Variants in PUM3 observed in about 807,000 individuals in gnomAD.
PUM3 encodes pumilio RNA binding family member 3.
A neutral mutation model predicts 84.0 loss-of-function variants in PUM3; 91 were observed. The ratio of observed to expected loss-of-function variants is 1.08; its 90% CI spans 0.91 to 1.29. PUM3 has a LOEUF of 1.29. Ranked by LOEUF, PUM3 falls within the 50% of genes most tolerant of loss-of-function variation. PUM3 has a pLI of 0.00. For synonymous variants in PUM3, 321 were observed against 266.7 expected, an observed-to-expected ratio of 1.20 and a Z score of -1.98; for missense variants, 1,067 against 767.5, an observed-to-expected ratio of 1.39 and a Z score of -4.61.
At chr9:2,815,491 C>T (rs944594262) in intron 13 of PUM3, among the ~76,000 whole-genome samples, 4 of 152,088 alleles carry the variant, frequency 2.6e-5, no homozygotes, top group East Asian at 3.9e-4. Context: ...ATTTAATCTC[C>T]GGGGTCTTAA....
Position 2,831,032 on chromosome 9 carries a change from A to G in PUM3, c.611-4T>C. ...TTACTTAACTCAACCAAATCATCTG[A>G]AAAACAAAAATACATTACAGTGACT... On this transcript the variant is annotated splice_polypyrimidine_tract_variant and splice_region_variant and intron_variant, in intron 6 of 17. Transcript: ENST00000397885. 1 of 1,431,944 alleles carries G rather than the reference A, an allele frequency of 7.0e-7. No homozygotes were observed. The highest frequency in any genetic ancestry group is 9.8e-7 in the Non-Finnish European group (1 of 1,023,570). The allele number at this position is 1,431,944 out of a possible 1,614,324, so 88.7% of individuals were successfully genotyped here. A position where few individuals can be genotyped will look rare whatever the true frequency, so the allele number is the denominator to read the frequency against.
At chr9:2,832,687 T>C (rs1471344812) in intron 5 of PUM3, among the ~76,000 whole-genome samples, 1 of 152,190 alleles carries the variant, frequency 6.6e-6, no homozygotes, top group Non-Finnish European at 1.5e-5. Context: ...GCTGAATTTA[T>C]AAGAAAGCGG....
At chr9:2,830,004 A>C (rs1815931950) in intron 7 of PUM3, 56 bp from the exon 8 acceptor site, 1 of 1,495,370 alleles carries the variant, frequency 6.7e-7, no homozygotes, top group Non-Finnish European at 9.2e-7. Flanking sequence ...GCTGGGTGAC[A>C]ATAAAACACA....
rs1366256389 is a variant in PUM3, at chr9:2,831,288, A to G, written c.573T>C (p.Asn191=). ...RVIQCYIQYG[N]EEQRKQAFEE... ...CAAAAGCCTGTTTTCTCTGTTCTTC[A>G]TTACCATACTGAATGTAACACTGGA... The change falls in exon 6 of 18, where the codon AAT becomes AAC. Residue 191 remains asparagine, a synonymous_variant. Coordinates refer to ENST00000397885, the MANE Select transcript of PUM3 (RefSeq NM_014878.5). 8 of 1,609,696 alleles carry G rather than the reference A, an allele frequency of 5.0e-6. No homozygotes were observed. The highest frequency in any genetic ancestry group is 6.8e-6 in the Non-Finnish European group (8 of 1,178,180).
chr9:2,807,383 C>A (rs1331494503), intron 17 of PUM3, among the ~76,000 whole-genome samples: 1 of 151,746 alleles, frequency 6.6e-6, no homozygotes, highest in South Asian at 2.1e-4. Context: ...ACTACTTGAG[C>A]CTAAGAGTCT....
At chr9:2,825,882 A>T (rs1815805796) in intron 10 of PUM3, among the ~76,000 whole-genome samples, 2 of 152,344 alleles carry the variant, frequency 1.3e-5, no homozygotes, top group Admixed American at 6.5e-5. Flanking sequence ...AATGTACATT[A>T]AATAAATACA....
At position 2,842,766 on chromosome 9, in the gene PUM3, C is replaced by CA. The variant is rs548804217; in HGVS notation, c.-11+1278dup. On this transcript the variant is annotated intron_variant, in intron 1 of 17. Coordinates refer to ENST00000397885, the MANE Select transcript of PUM3 (RefSeq NM_014878.5). ...CTGATACCTCTAATTATGTGTCTAA[C>CA]AGGAACCTTACCCTTAATATGTCCA... 2.9e-3 allele frequency among the ~76,000 whole-genome samples: 440 copies of CA among 152,284 alleles called. 4 individuals are homozygous for CA. Among genetic ancestry groups the CA allele is most frequent in the Non-Finnish European group, 4.7e-3 (318 of 68,012 alleles).
intron 13 of PUM3, among the ~76,000 whole-genome samples, chr9:2,817,686 G>A (rs1821499711): frequency 6.6e-6 from 1 of 152,204 alleles, no homozygotes; most frequent in Admixed American, 6.5e-5. Context: ...TATCATAGTA[G>A]ATATGGGGCG....
At chr9:2,822,192 T>C (rs1307826384) in intron 12 of PUM3, among the ~76,000 whole-genome samples, 3 of 152,138 alleles carry the variant, frequency 2.0e-5, no homozygotes, top group Non-Finnish European at 4.4e-5. Flanking sequence ...TCTCAGCAAC[T>C]GATAGAACTA....
intron 1 of PUM3, among the ~76,000 whole-genome samples, chr9:2,842,275 C>A (rs1269411116): frequency 6.6e-6 from 1 of 152,124 alleles, no homozygotes; most frequent in African/African-American, 2.4e-5. Flanking sequence ...TTGTTTAGAT[C>A]CTATCTGCTT....
intron 1 of PUM3, among the ~76,000 whole-genome samples, chr9:2,839,435 A>C (rs1816211191): frequency 1.3e-5 from 2 of 152,230 alleles, no homozygotes; most frequent in African/African-American, 4.8e-5. Context: ...GGGATAAAAT[A>C]TATTTGGGAA....
intron 3 of PUM3, among the ~76,000 whole-genome samples, chr9:2,834,429 G>A (rs1398708819): frequency 6.6e-6 from 1 of 152,104 alleles, no homozygotes; most frequent in South Asian, 2.1e-4. Flanking sequence ...AATTACAAAA[G>A]TAACTAGAAT....
rs750186876 is a variant in PUM3, at chr9:2,829,869, C to G, written c.757G>C (p.Ala253Pro). Residue 253 changes from alanine (A) to proline (P), a missense_variant, in exon 8 of 18, where the codon GCC becomes CCC. Physicochemically the swap from Ala to Pro is conservative, Grantham distance 27. Transcript: ENST00000397885. ...TCATTGTATGCGTACTCCACGATGG[C>G]TGATGCTTCCGCATGCCGCAGCATC... ...RKMLRHAEAS[A>P]IVEYAYNDKA... 1 of 1,614,072 alleles carries G rather than the reference C, an allele frequency of 6.2e-7. No individual in the cohort carries two copies. The highest frequency in any genetic ancestry group is 1.7e-5 in the Admixed American group (1 of 60,028).
chr9:2,825,921 G>T (rs1015590307), intron 10 of PUM3, among the ~76,000 whole-genome samples: 2 of 152,160 alleles, frequency 1.3e-5, no homozygotes, highest in African/African-American at 4.8e-5. Context: ...GAGAGGGTAG[G>T]TGCCTAATTT....
In PUM3 at chr9:2,811,537, A is replaced by C. The variant is rs374667282; in HGVS notation, c.1459T>G (p.Ser487Ala). ...TGCAGGTAGCTTAACAAAGCTGGAG[A>C]AATGGATTCTAGGAGCTCCCGTCTG... The part of the protein sequence containing the change: ...VRRRELLESI[S>A]PALLSYLQEH... The change falls in exon 15 of 18, where the codon TCT becomes GCT. Residue 487 changes from serine to alanine, a missense_variant. Ser to Ala is a moderately conservative substitution (Grantham distance 99, BLOSUM62 1). Transcript: ENST00000397885. 49 of 1,614,018 alleles carry C rather than the reference A, an allele frequency of 3.0e-5. No homozygotes were observed. The highest frequency in any genetic ancestry group is 3.9e-5 in the Non-Finnish European group (46 of 1,180,016).
intron 1 of PUM3, among the ~76,000 whole-genome samples, chr9:2,840,556 T>C (rs1280364355): frequency 1.3e-5 from 2 of 152,228 alleles, no homozygotes; most frequent in African/African-American, 4.8e-5. Flanking sequence ...TCAACTTTTC[T>C]GTAGGGAAGA....
chr9:2,818,786 G>C (rs1821524685), intron 13 of PUM3, among the ~76,000 whole-genome samples: 3 of 152,176 alleles, frequency 2.0e-5, no homozygotes, highest in Admixed American at 1.3e-4. Flanking sequence ...GTTGGAAAAT[G>C]ACAGCAAGGG....
intron 3 of PUM3, among the ~76,000 whole-genome samples, chr9:2,836,473 T>C (rs1029575341): frequency 6.6e-6 from 1 of 152,178 alleles, no homozygotes; most frequent in African/African-American, 2.4e-5. Context: ...AATGACCCAC[T>C]GAACATCGTT....
At chr9:2,808,149 T>TA (rs1477737127) in intron 16 of PUM3, among the ~76,000 whole-genome samples, 2 of 152,248 alleles carry the variant, frequency 1.3e-5, no homozygotes, top group Admixed American at 6.5e-5. Flanking sequence ...TTACTCAAGA[T>TA]AAACTATGAA....
Sources: gnomAD v4.1 joint callset for allele counts (sites outside exome capture counted in the v4.1 genomes callset) on GRCh38, gnomAD v4.1.1 for gene constraint, MANE v1.5 for transcripts, NCBI Gene and HGNC (gene_info 2026-07-23, HGNC 2026-07-21) for gene names.